The following PTPRD variants were observed in gnomAD, a reference collection of about 807,000 sequenced individuals.
PTPRD encodes the protein receptor-type tyrosine-protein phosphatase delta.
Under a neutral mutation model 214.5 loss-of-function variants are expected in PTPRD, and 34 were observed. The ratio of observed to expected loss-of-function variants is 0.16; its 90% CI spans 0.12 to 0.21. The LOEUF (loss-of-function observed/expected upper bound fraction) is 0.21, where lower values mean the gene tolerates loss of function less well. Among genes scored for constraint, PTPRD ranks in the 10% least tolerant of loss-of-function variants. The pLI, the probability that PTPRD is intolerant of heterozygous loss-of-function variation, is 1.00. For synonymous variants in PTPRD, 1,128 were observed against 845.7 expected (o/e 1.33, Z -5.79); for missense variants, 2,545 against 2,398.7 (o/e 1.06, Z -1.27).
chr9:10,162,391 C>T (rs1023198440), intron 3 of PTPRD, among the ~76,000 whole-genome samples: 41 of 150,980 alleles, frequency 2.7e-4, no homozygotes, highest in African/African-American at 9.9e-4. Context: ...CTGTCATTTG[C>T]AGCAATATTA....
chr9:10,322,366 T>C (rs1292412655), intron 3 of PTPRD, among the ~76,000 whole-genome samples: 1 of 152,052 alleles, frequency 6.6e-6, no homozygotes, highest in African/African-American at 2.4e-5. Flanking sequence ...GAAGACACAA[T>C]TGCAGGCTGA....
chr9:9,562,502 G>C (rs1437964878), intron 8 of PTPRD, among the ~76,000 whole-genome samples: 1 of 152,042 alleles, frequency 6.6e-6, no homozygotes, highest in African/African-American at 2.4e-5. Context: ...TAGTGTTAAA[G>C]CCAAAGCTCT....
chr9:8,557,109 C>T (rs984097996), intron 14 of PTPRD, among the ~76,000 whole-genome samples: 5 of 151,988 alleles, frequency 3.3e-5, no homozygotes, highest in African/African-American at 1.2e-4. Context: ...GAGAGCAGGG[C>T]CACAGTGGAA....
intron 3 of PTPRD, among the ~76,000 whole-genome samples, chr9:10,134,963 C>T (rs2098931283): frequency 1.3e-5 from 2 of 151,996 alleles, no homozygotes; most frequent in Non-Finnish European, 2.9e-5. Context: ...AAGTTGAAAC[C>T]CAATCAAACG....
rs143260537 is a variant in PTPRD at position 8,432,157 on chromosome 9, T to G, written c.4086+4435A>C. On this transcript the variant is annotated intron_variant, in intron 35 of 45. Transcript: ENST00000381196. ...TTTAAAGATTCACCAGCCTAATATA[T>G]GGACTTTAACAGCCATACCAACTTT... Among the ~76,000 whole-genome samples the G allele has an allele frequency of 3.3e-3, 506 of 152,354 alleles. 4 individuals are homozygous for G. Among genetic ancestry groups the G allele is most frequent in the African/African-American group, 0.012 (495 of 41,592 alleles).
At chr9:10,226,048 G>A (rs1180360807) in intron 3 of PTPRD, among the ~76,000 whole-genome samples, 1 of 152,024 alleles carries the variant, frequency 6.6e-6, no homozygotes, top group African/African-American at 2.4e-5. Flanking sequence ...GCTACATAAT[G>A]TATAGATTCC....
chr9:9,157,309 G>GA lies in PTPRD; in HGVS notation c.-143+25994dup, dbSNP rs1208349402. Among the ~76,000 whole-genome samples, 3 of 151,206 alleles carry GA rather than the reference G, an allele frequency of 2.0e-5. No homozygotes were observed. The South Asian group carries it at 6.3e-4, about 32-fold the overall frequency. ...GCAGAGATAAATGAAACAGAGACCA[G>GA]AAAAAAATTACAAAAAATTAACAAA... On this transcript the variant is annotated intron_variant, in intron 10 of 45. Coordinates refer to ENST00000381196, the MANE Select transcript of PTPRD (RefSeq NM_002839.4).
At chr9:10,197,715 G>A (rs1429506491) in intron 3 of PTPRD, among the ~76,000 whole-genome samples, 1 of 152,108 alleles carries the variant, frequency 6.6e-6, no homozygotes, top group Admixed American at 6.6e-5. Flanking sequence ...AGTCCTGAAT[G>A]CTGATAGGGG....
intron 2 of PTPRD, among the ~76,000 whole-genome samples, chr9:10,584,291 T>C (rs183921278): frequency 6.6e-6 from 1 of 152,256 alleles, no homozygotes; most frequent in Non-Finnish European, 1.5e-5. Context: ...TATCCCAACA[T>C]GGATCTATCA....
rs535710058 is a variant in PTPRD at position 9,745,118 on chromosome 9, T to C, written c.-325-10547A>G. On this transcript the variant is annotated intron_variant, in intron 6 of 45. Coordinates refer to ENST00000381196, the MANE Select transcript of PTPRD (RefSeq NM_002839.4). Reference sequence around the variant, plus strand: ...GTAACTTAATTATTAAAAATTATAATTATAAAAATAGTTAACCAGAAGAAA... The same window carrying C: ...GTAACTTAATTATTAAAAATTATAACTATAAAAATAGTTAACCAGAAGAAA... 3.2e-4 allele frequency among the ~76,000 whole-genome samples: 48 copies of C among 152,152 alleles called. 1 individual carries two copies. The highest frequency in any genetic ancestry group is 5.6e-4 in the Non-Finnish European group (38 of 67,968).
At chr9:9,439,663 T>A (rs1334241048) in intron 8 of PTPRD, among the ~76,000 whole-genome samples, 1 of 152,148 alleles carries the variant, frequency 6.6e-6, no homozygotes, top group Non-Finnish European at 1.5e-5. Flanking sequence ...TGGTGTCAGA[T>A]AAAATCAAGT....
chr9:10,298,571 T>C (rs552452254), intron 3 of PTPRD, among the ~76,000 whole-genome samples: 34 of 152,268 alleles, frequency 2.2e-4, no homozygotes, highest in Non-Finnish European at 4.1e-4. Context: ...CAAAAATATT[T>C]AGTTTTTGTT....
At chr9:10,044,637 T>C (rs1475417266) in intron 3 of PTPRD, among the ~76,000 whole-genome samples, 1 of 151,770 alleles carries the variant, frequency 6.6e-6, no homozygotes, top group Non-Finnish European at 1.5e-5. Context: ...TATTAGATCA[T>C]TAATATCATA....
At chr9:9,499,913 G>T (rs2096348216) in intron 8 of PTPRD, among the ~76,000 whole-genome samples, 1 of 151,988 alleles carries the variant, frequency 6.6e-6, no homozygotes, top group African/African-American at 2.4e-5. Flanking sequence ...AAACTGCAAT[G>T]AAAACTGATC....
At chr9:8,704,498 T>C (rs1002585666) in intron 12 of PTPRD, among the ~76,000 whole-genome samples, 11 of 152,168 alleles carry the variant, frequency 7.2e-5, no homozygotes, top group African/African-American at 2.7e-4. Flanking sequence ...GCTCATTACG[T>C]AGAGTATCAT....
chr9:8,768,085 C>T (rs978650319), intron 11 of PTPRD, among the ~76,000 whole-genome samples: 2 of 152,072 alleles, frequency 1.3e-5, no homozygotes, highest in African/African-American at 4.8e-5. Context: ...ACTATTTGGC[C>T]TGAATTTGCG....
At chr9:8,603,297 C>T (rs935139099) in intron 14 of PTPRD, among the ~76,000 whole-genome samples, 2 of 152,052 alleles carry the variant, frequency 1.3e-5, no homozygotes, top group African/African-American at 4.8e-5. Flanking sequence ...TTAAAGGTTG[C>T]TTTTATTGTA....
intron 7 of PTPRD, 87 bp from the exon 8 acceptor site, chr9:9,574,868 G>T (rs1236356678): frequency 6.6e-6 from 1 of 152,064 alleles, no homozygotes; most frequent in Non-Finnish European, 1.5e-5. Flanking sequence ...AATTCAATAT[G>T]AGAAATGTTA....
At chr9:10,536,219 A>T (rs1273549395) in intron 2 of PTPRD, among the ~76,000 whole-genome samples, 3 of 152,164 alleles carry the variant, frequency 2.0e-5, no homozygotes, top group Admixed American at 1.3e-4. Flanking sequence ...TTATTAAAGC[A>T]ATTATATAGG....
Sources: gnomAD v4.1 joint callset for allele counts (sites outside exome capture counted in the v4.1 genomes callset) on GRCh38, gnomAD v4.1.1 for gene constraint, MANE v1.5 for transcripts, NCBI Gene and HGNC (gene_info 2026-07-23, HGNC 2026-07-21) for gene names.